Variants in TXNDC12 observed in about 807,000 individuals in gnomAD.
TXNDC12 encodes thioredoxin domain containing 12.
A neutral mutation model predicts 24.2 loss-of-function variants in TXNDC12; 22 were observed. That is an observed-to-expected ratio of 0.91 (90% CI 0.65 to 1.30). TXNDC12 has a LOEUF of 1.30. Ranked by LOEUF, TXNDC12 falls within the 50% of genes most tolerant of loss-of-function variation. The pLI is 0.00. For missense variants in TXNDC12, 184 were observed against 205.8 expected, an observed-to-expected ratio of 0.89 and a Z score of 0.65; for synonymous variants, 58 against 73.4, an observed-to-expected ratio of 0.79 and a Z score of 1.07.
At chr1:52,027,607 G>T (rs530864528) in intron 3 of TXNDC12, among the ~76,000 whole-genome samples, 1 of 151,846 alleles carries the variant, frequency 6.6e-6, no homozygotes, top group Non-Finnish European at 1.5e-5. Flanking sequence ...AATGGCATAC[G>T]AATAGGGGGG....
chr1:52,030,475 A>G (rs1014235814), intron 2 of TXNDC12: 27 of 152,212 alleles, frequency 1.8e-4, no homozygotes, highest in African/African-American at 6.5e-4. Context: ...AATTCAATCA[A>G]TAACCAACTT....
chr1:52,030,541 C>A (rs1372676450), intron 2 of TXNDC12: 2 of 152,194 alleles, frequency 1.3e-5, no homozygotes, highest in South Asian at 4.1e-4. Context: ...CCATTTCACA[C>A]ATGAATCCTG....
At chr1:52,047,658 C>T (rs1686123163) in intron 1 of TXNDC12, among the ~76,000 whole-genome samples, 3 of 152,134 alleles carry the variant, frequency 2.0e-5, no homozygotes, top group Non-Finnish European at 4.4e-5. Flanking sequence ...GTCCCAGCTA[C>T]TCTGGAGGTT....
chr1:52,052,788 CAAGGTATTACCTACACCTAACACAGT>C (rs1207288779), intron 1 of TXNDC12: 2 of 152,162 alleles, frequency 1.3e-5, no homozygotes, highest in Non-Finnish European at 2.9e-5. Flanking sequence ...TACCTGATTC[CAAGGTATTACCTACACCTAACACAGT>C]AACTTGAACA....
At chr1:52,046,127 C>T (rs998364472) in intron 1 of TXNDC12, among the ~76,000 whole-genome samples, 19 of 151,204 alleles carry the variant, frequency 1.3e-4, no homozygotes, top group Non-Finnish European at 2.2e-4. Context: ...GCAGGAGGAT[C>T]GATTGAGCCT....
In TXNDC12 at chr1:52,033,311, C is replaced by T. The variant is rs979625065; in HGVS notation, c.159-4681G>A. On this transcript the variant is annotated intron_variant, in intron 2 of 6. Transcript: ENST00000371626. Reference sequence around the variant, plus strand: ...TCCGCAGTATGCAGTTCCCTGAGGACGCTGCTGCCCGCCGCCTGGGCTCTC... The same window carrying T: ...TCCGCAGTATGCAGTTCCCTGAGGATGCTGCTGCCCGCCGCCTGGGCTCTC... The T allele has an allele frequency of 1.9e-6, 3 of 1,613,692 alleles. No homozygotes were observed. In the African/African-American group the frequency reaches 4.0e-5, roughly 22 times the overall value.
chr1:52,053,801 C>A (rs1686268441), intron 1 of TXNDC12, among the ~76,000 whole-genome samples: 1 of 152,222 alleles, frequency 6.6e-6, no homozygotes, highest in Admixed American at 6.5e-5. Flanking sequence ...ATCACCTTCT[C>A]CAAAAAGCTT....
intron 1 of TXNDC12, among the ~76,000 whole-genome samples, chr1:52,050,261 T>A (rs1163567523): frequency 6.6e-6 from 1 of 152,204 alleles, no homozygotes; most frequent in Non-Finnish European, 1.5e-5. Flanking sequence ...ATGTTTACCT[T>A]GTTACTAAAA....
At chr1:52,051,799 C>T (rs1293153421) in intron 1 of TXNDC12, 1 of 169,324 alleles carries the variant, frequency 5.9e-6, no homozygotes, top group Non-Finnish European at 1.5e-5. Context: ...CGTCCGGAAA[C>T]ATCTGGGAAG....
chr1:52,050,361 A>G (rs1402083557), intron 1 of TXNDC12, among the ~76,000 whole-genome samples: 1 of 152,236 alleles, frequency 6.6e-6, no homozygotes, highest in African/African-American at 2.4e-5. Context: ...TCACCTGTAT[A>G]GCCACTTAAT....
intron 1 of TXNDC12, chr1:52,052,339 A>C (rs1489903669): frequency 1.2e-5 from 2 of 166,174 alleles, no homozygotes; most frequent in Non-Finnish European, 2.9e-5. Context: ...ATGTGACCTC[A>C]ACATACCTCC....
At chr1:52,053,572 G>A (rs1686262385) in intron 1 of TXNDC12, among the ~76,000 whole-genome samples, 1 of 152,112 alleles carries the variant, frequency 6.6e-6, no homozygotes, top group African/African-American at 2.4e-5. Flanking sequence ...GCTAAGGCAG[G>A]AGAATCGCTT....
At chr1:52,053,215 A>G (rs1686253460) in intron 1 of TXNDC12, among the ~76,000 whole-genome samples, 1 of 151,898 alleles carries the variant, frequency 6.6e-6, no homozygotes, top group East Asian at 1.9e-4. Flanking sequence ...GTAAGCCGAG[A>G]TTGCACCACT....
chr1:52,040,860 G>C (rs572362856), intron 2 of TXNDC12, among the ~76,000 whole-genome samples: 9 of 151,366 alleles, frequency 5.9e-5, no homozygotes, highest in African/African-American at 2.2e-4. Context: ...GTGAAACCCC[G>C]TCTCTACTAA....
intron 2 of TXNDC12, chr1:52,032,041 A>T: frequency 1.1e-5 from 8 of 717,960 alleles, no homozygotes; most frequent in Non-Finnish European, 1.4e-5. Context: ...CAGAACAATG[A>T]CAAGTATACC....
Position 52,020,621 on chromosome 1 carries a change from A to C in TXNDC12, c.*312T>G, listed in dbSNP as rs1024956961. The C allele has an allele frequency of 5.7e-6, 2 of 349,318 alleles. No individual in the cohort carries two copies. Among genetic ancestry groups the C allele is most frequent in the Non-Finnish European group, 1.0e-5 (2 of 192,270 alleles). The allele number at this position is 349,318 out of a possible 1,614,324, so 21.6% of individuals were successfully genotyped here. On this transcript the variant is annotated 3_prime_UTR_variant, in exon 7 of 7. Transcript: ENST00000371626. ...GAAATGGGAAAAGACTCAAATACTT[A>C]AGTGCGAGGAGTAAACATCCAAGTG...
intron 3 of TXNDC12, among the ~76,000 whole-genome samples, chr1:52,027,831 C>CTAT (rs949994394): frequency 6.7e-6 from 1 of 149,558 alleles, no homozygotes; most frequent in Non-Finnish European, 1.5e-5. Flanking sequence ...ACATACATTC[C>CTAT]TATTATTATT....
intron 2 of TXNDC12, among the ~76,000 whole-genome samples, chr1:52,041,220 C>G (rs1254313276): frequency 7.2e-5 from 11 of 151,994 alleles, no homozygotes; most frequent in Admixed American, 5.9e-4. Context: ...GTAGTCCCAG[C>G]TACTCGGGAG....
chr1:52,033,369 A>T, intron 2 of TXNDC12: 1 of 1,613,520 alleles, frequency 6.2e-7, no homozygotes, highest in Non-Finnish European at 8.5e-7. Context: ...GCCAACTCAC[A>T]CTGACGTTCC....
Sources: allele counts gnomAD v4.1 joint callset (sites outside exome capture counted in the v4.1 genomes callset), GRCh38; gene constraint gnomAD v4.1.1; transcripts MANE v1.5; gene names NCBI Gene and HGNC (gene_info 2026-07-23, HGNC 2026-07-21).